The following APAF1 variants were observed in gnomAD, a reference collection of about 807,000 sequenced individuals.
APAF1 encodes the protein apoptotic protease-activating factor 1.
In APAF1, 91 loss-of-function variants were observed where a neutral mutation model predicts 152.4. The ratio of observed to expected loss-of-function variants is 0.60; its 90% CI spans 0.50 to 0.71. APAF1 has a LOEUF of 0.71. APAF1 is among the 30% of genes least tolerant of loss of function. The pLI is 0.00. For synonymous variants in APAF1, 484 were observed against 494.1 expected (o/e 0.98, Z 0.27); for missense variants, 1,283 against 1,472.0 (o/e 0.87, Z 2.10).
chr12:98,727,244 T>C lies in APAF1; in HGVS notation c.3528T>C (p.His1176=), dbSNP rs140151475. Residue 1176 remains histidine (H), a synonymous_variant, in exon 26 of 27, where the codon CAT becomes CAC. Coordinates refer to ENST00000551964, the MANE Select transcript of APAF1 (RefSeq NM_181861.2). ...TTTCAGAAGAAGGAGCTGCTACCCA[T>C]GGAGGCTGGGTGACTGACCTTTGCT... The part of the protein sequence containing the change: ...APLSEEGAAT[H]GGWVTDLCFS... 37 of 1,613,956 alleles carry C rather than the reference T, an allele frequency of 2.3e-5. No individual in the cohort carries two copies. In the African/African-American group the frequency reaches 4.7e-4, roughly 20 times the overall value.
At chr12:98,677,642 T>C in intron 13 of APAF1, 91 bp downstream of exon 13, 21 of 1,509,002 alleles carry the variant, frequency 1.4e-5, no homozygotes, top group Non-Finnish European at 1.9e-5. Flanking sequence ...TTCAAGAAAA[T>C]TGCAACTTAG....
rs1167099205 is a variant in APAF1 at position 98,662,687 on chromosome 12, T to TA, written c.837dup (p.Val280SerfsTer14). The TA allele has an allele frequency of 6.2e-7, 1 of 1,613,322 alleles. No individual in the cohort carries two copies. The highest frequency in any genetic ancestry group is 8.5e-7 in the Non-Finnish European group (1 of 1,179,706). ...TTTTTGTTTGCAGGTCCTAAATATGTAGTCCCTGTGGAGAGTTCCTTAGGA... is the reference window on the plus strand; with the variant it reads ...TTTTTGTTTGCAGGTCCTAAATATGTAAGTCCCTGTGGAGAGTTCCTTAGGA... On this transcript the variant is annotated frameshift_variant, in exon 7 of 27. Coordinates refer to ENST00000551964, the MANE Select transcript of APAF1 (RefSeq NM_181861.2). LOFTEE classifies it high-confidence loss of function.
rs541853053 is a variant in APAF1 at position 98,694,943 on chromosome 12, C to T, written c.2305-4465C>T. 8.0e-5 allele frequency among the ~76,000 whole-genome samples: 12 copies of T among 150,302 alleles called. No individual in the cohort carries two copies. The East Asian group carries it at 1.2e-3, about 15-fold the overall frequency. ...AGGCTGGAGTGCTGTGGCACCATCT[C>T]GGCTCACTGCAAGATGGTGAACTTT... On this transcript the variant is annotated intron_variant, in intron 16 of 26. Coordinates refer to ENST00000551964, the MANE Select transcript of APAF1 (RefSeq NM_181861.2).
chr12:98,674,401 G>A (rs992725148), intron 12 of APAF1, among the ~76,000 whole-genome samples: 1 of 152,108 alleles, frequency 6.6e-6, no homozygotes, highest in Non-Finnish European at 1.5e-5. Flanking sequence ...CCACTTTCCA[G>A]AGTTGACCAT....
At position 98,699,555 on chromosome 12, in the gene APAF1, A is replaced by G. The variant is rs779299447; in HGVS notation, c.2452A>G (p.Lys818Glu). 5 of 1,614,212 alleles carry G rather than the reference A, an allele frequency of 3.1e-6. No homozygotes were observed. Among genetic ancestry groups the G allele is most frequent in the Non-Finnish European group, 4.2e-6 (5 of 1,180,036 alleles). The change falls in exon 17 of 27, where the codon AAA becomes GAA. Residue 818 changes from lysine to glutamate, a missense_variant. By Grantham distance (56) the Lys-to-Glu change is moderately conservative. Coordinates refer to ENST00000551964, the MANE Select transcript of APAF1 (RefSeq NM_181861.2). Reference sequence around the variant, plus strand: ...TGGTGCAAGGATAATGGTGGCAGCAAAAAATAAAATCTTTGTAAGTACTTT... The same window carrying G: ...TGGTGCAAGGATAATGGTGGCAGCAGAAAATAAAATCTTTGTAAGTACTTT... ...ADGARIMVAA[K>E]NKIFLFDIHT...
intron 12 of APAF1, among the ~76,000 whole-genome samples, chr12:98,677,065 A>G (rs7298561): frequency 0.24 from 37,159 of 152,188 alleles, 4,887 homozygotes; most frequent in African/African-American, 0.32. Context: ...AGGTATCCTT[A>G]TATAATGATT....
chr12:98,730,114 AAAAG>A (rs1223222540), intron 26 of APAF1, among the ~76,000 whole-genome samples: 4 of 152,232 alleles, frequency 2.6e-5, no homozygotes, highest in Non-Finnish European at 4.4e-5. Context: ...ATTTTTTTAA[AAAAG>A]AAAGGATGTA....
intron 7 of APAF1, among the ~76,000 whole-genome samples, chr12:98,665,267 TA>T: frequency 9.8e-6 from 1 of 102,240 alleles, no homozygotes; most frequent in African/African-American, 4.0e-5. Context: ...TATATATATA[TA>T]TATATATATA....
chr12:98,658,674 C>T (rs921678228), intron 4 of APAF1, among the ~76,000 whole-genome samples: 2 of 152,008 alleles, frequency 1.3e-5, no homozygotes, highest in African/African-American at 2.4e-5. Context: ...TGATTTCACA[C>T]CCCCCCAGGT....
At chr12:98,674,774 G>A (rs560434891) in intron 12 of APAF1, among the ~76,000 whole-genome samples, 2 of 152,136 alleles carry the variant, frequency 1.3e-5, no homozygotes, top group African/African-American at 4.8e-5. Context: ...TTAAATTAGT[G>A]TATATATGTA....
chr12:98,694,482 C>A (rs1312908649), intron 16 of APAF1, among the ~76,000 whole-genome samples: 1 of 151,896 alleles, frequency 6.6e-6, no homozygotes, highest in Non-Finnish European at 1.5e-5. Context: ...TCTTTTTGTC[C>A]ATTTGCCCTA....
Position 98,648,752 on chromosome 12 carries a change from G to A in APAF1, c.265G>A (p.Asp89Asn). ...TAAAGATCTTGCTGCCCTTCTCCAT[G>A]ATGGCATTCCTGTTGTCTCTTCTTC... ...GYKDLAALLH[D>N]GIPVVSSSSG... The change falls in exon 3 of 27, where the codon GAT becomes AAT. Residue 89 changes from aspartate to asparagine, a missense_variant. By Grantham distance (23) the Asp-to-Asn change is conservative. Transcript: ENST00000551964. The A allele has an allele frequency of 6.2e-7, 1 of 1,613,996 alleles. No homozygotes were observed. Among genetic ancestry groups the A allele is most frequent in the Non-Finnish European group, 8.5e-7 (1 of 1,179,926 alleles).
intron 20 of APAF1, 29 bp from the exon 21 acceptor site, chr12:98,712,290 A>G: frequency 7.6e-7 from 1 of 1,312,702 alleles, no homozygotes; most frequent in Non-Finnish European, 1.1e-6. Flanking sequence ...TTACAGCCTA[A>G]TAACTGATTT....
rs775321405 is a variant in APAF1 at position 98,648,855 on chromosome 12, A to AT, written c.328+42dup. On this transcript the variant is annotated intron_variant, in intron 3 of 26. Transcript: ENST00000551964. ...TACCTTCTATCACTTTGCTATCAAA[A>AT]TTGCTTTGGGTTTGTCTTATTGTAG... 5 of 1,590,448 alleles carry AT rather than the reference A, an allele frequency of 3.1e-6. No homozygotes were observed. In the South Asian group the frequency reaches 4.4e-5, roughly 14 times the overall value.
chr12:98,677,201 G>A (rs781561654), intron 12 of APAF1, among the ~76,000 whole-genome samples: 2 of 152,094 alleles, frequency 1.3e-5, no homozygotes, highest in Non-Finnish European at 2.9e-5. Context: ...ACACGTGACA[G>A]GTTGCTTGAT....
At chr12:98,690,555 G>A (rs745352763) in intron 16 of APAF1, among the ~76,000 whole-genome samples, 17 of 152,030 alleles carry the variant, frequency 1.1e-4, no homozygotes, top group Non-Finnish European at 2.1e-4. Flanking sequence ...CAAATTCTGG[G>A]AAGACTGCAT....
intron 12 of APAF1, among the ~76,000 whole-genome samples, chr12:98,675,935 T>A (rs1035027672): frequency 3.3e-5 from 5 of 152,204 alleles, no homozygotes; most frequent in Admixed American, 3.3e-4. Flanking sequence ...CCTTTATGTG[T>A]CGGGTGCTGT....
intron 21 of APAF1, among the ~76,000 whole-genome samples, chr12:98,714,679 T>A (rs751492751): frequency 6.6e-6 from 1 of 152,156 alleles, no homozygotes; most frequent in African/African-American, 2.4e-5. Flanking sequence ...TTCAAGGGGC[T>A]TTTCTTCCAG....
intron 4 of APAF1, among the ~76,000 whole-genome samples, chr12:98,654,046 C>G (rs1452115734): frequency 6.6e-6 from 1 of 152,036 alleles, no homozygotes; most frequent in Non-Finnish European, 1.5e-5. Flanking sequence ...GAATTAGTTT[C>G]TCTGAGTGAA....
Sources: gnomAD v4.1 joint callset for allele counts (sites outside exome capture counted in the v4.1 genomes callset) on GRCh38, gnomAD v4.1.1 for gene constraint, MANE v1.5 for transcripts, NCBI Gene and HGNC (gene_info 2026-07-23, HGNC 2026-07-21) for gene names.